The following MEP1B variants were observed in gnomAD, a reference collection of about 807,000 sequenced individuals.
The protein encoded by MEP1B is meprin A subunit beta.
A neutral mutation model predicts 84.6 loss-of-function variants in MEP1B; 80 were observed. That is an observed-to-expected ratio of 0.95 (90% CI 0.79 to 1.14). The LOEUF (loss-of-function observed/expected upper bound fraction) is 1.14, where lower values mean the gene tolerates loss of function less well. MEP1B is among the 50% of genes most tolerant of loss of function. The pLI, the probability that MEP1B is intolerant of heterozygous loss-of-function variation, is 0.00. For missense variants in MEP1B, 766 were observed against 855.1 expected (o/e 0.90, Z 1.30); for synonymous variants, 273 against 288.1 (o/e 0.95, Z 0.53).
At chr18:32,211,511 C>T (rs912105229) in intron 10 of MEP1B, among the ~76,000 whole-genome samples, 4 of 152,076 alleles carry the variant, frequency 2.6e-5, no homozygotes, top group Non-Finnish European at 5.9e-5. Context: ...TGTTTCACTT[C>T]CCAGCTTACA....
At chr18:32,217,681 G>T in intron 13 of MEP1B, 80 bp from the exon 14 acceptor site, 3 of 1,169,340 alleles carry the variant, frequency 2.6e-6, no homozygotes, top group Non-Finnish European at 3.8e-6. Context: ...ATAGACTAAA[G>T]GTGATCCACA....
At position 32,213,244 on chromosome 18, in the gene MEP1B, C is replaced by A; in HGVS notation, c.1264C>A (p.Leu422Ile). ...TGGTCTGTCTATTGATGACATCAAT[C>A]TTTCGGAAACACGGTGCCCTCATCA... ...LGGLSIDDIN[L>I]SETRCPHHIW... The change falls in exon 11 of 15, where the codon CTT becomes ATT. Residue 422 changes from leucine (L) to isoleucine (I), a missense_variant. Coordinates refer to ENST00000269202, the MANE Select transcript of MEP1B (RefSeq NM_005925.3). The A allele has an allele frequency of 6.2e-7, 1 of 1,614,012 alleles. No homozygotes were observed. The highest frequency in any genetic ancestry group is 8.5e-7 in the Non-Finnish European group (1 of 1,179,870).
In MEP1B at chr18:32,196,832, G is replaced by A; in HGVS notation, c.250+1347G>A. 3.4e-6 allele frequency: 2 copies of A among 590,224 alleles called. No homozygotes were observed. Among genetic ancestry groups the A allele is most frequent in the South Asian group, 1.8e-5 (1 of 54,310 alleles). 36.6% of individuals were successfully genotyped at this position (590,224 alleles called of 1,614,324 possible). A position where few individuals can be genotyped will look rare whatever the true frequency, so the allele number is the denominator to read the frequency against. The stretch of plus-strand genomic sequence containing the variant: ...CGCTCATCAGCACTGCCTTCTGCTG[G>A]CTTCTCAGGGCCTCTGCGTACTTGC... On this transcript the variant is annotated intron_variant, in intron 5 of 14. Coordinates refer to ENST00000269202, the MANE Select transcript of MEP1B (RefSeq NM_005925.3). The surrounding 1 kb of genome is among the most constrained non-coding windows in gnomAD (Gnocchi z 4.4).
intron 5 of MEP1B, among the ~76,000 whole-genome samples, chr18:32,201,685 GGAT>G (rs2040914473): frequency 6.6e-6 from 1 of 152,026 alleles, no homozygotes; most frequent in East Asian, 1.9e-4. Flanking sequence ...GATTATTCCT[GGAT>G]GATAGGATTT....
At chr18:32,207,166 T>G in intron 7 of MEP1B, 86 bp from the exon 8 acceptor site, 1 of 838,070 alleles carries the variant, frequency 1.2e-6, no homozygotes. Flanking sequence ...GTTTATTATA[T>G]TCTCCATTTC....
chr18:32,220,322 C>T lies in MEP1B; in HGVS notation c.*77C>T. On this transcript the variant is annotated 3_prime_UTR_variant, in exon 15 of 15. Coordinates refer to ENST00000269202, the MANE Select transcript of MEP1B (RefSeq NM_005925.3). ...CATGGATTTCGCCTAAGTGATATTA[C>T]AGCCACCTCATTCTTCTAAAAGTGG... 1.6e-6 allele frequency: 2 copies of T among 1,284,312 alleles called. No homozygotes were observed. Among genetic ancestry groups the T allele is most frequent in the Non-Finnish European group, 2.2e-6 (2 of 899,218 alleles). The allele number at this position is 1,284,312 out of a possible 1,614,324, so 79.6% of individuals were successfully genotyped here.
At chr18:32,203,298 T>G (rs1002449138) in intron 6 of MEP1B, 2 of 255,698 alleles carry the variant, frequency 7.8e-6, no homozygotes, top group Non-Finnish European at 1.5e-5. Flanking sequence ...TCTTTATCCC[T>G]TTCAAGTAAA....
Position 32,195,400 on chromosome 18 carries a change from T to C in MEP1B, c.172-7T>C, listed in dbSNP as rs778276317. On this transcript the variant is annotated splice_polypyrimidine_tract_variant and splice_region_variant and intron_variant, in intron 4 of 14. Coordinates refer to ENST00000269202, the MANE Select transcript of MEP1B (RefSeq NM_005925.3). ...TTAACTAGCCCTTTTGCATTTATTT[T>C]TGACAGGCACAAATTAGAAATTCCA... 1 of 1,594,470 alleles carries C rather than the reference T, an allele frequency of 6.3e-7. No individual in the cohort carries two copies. The highest frequency in any genetic ancestry group is 1.7e-5 in the Admixed American group (1 of 59,626).
At chr18:32,207,556 G>C in intron 8 of MEP1B, 86 bp downstream of exon 8, 1 of 894,578 alleles carries the variant, frequency 1.1e-6, no homozygotes, top group South Asian at 1.5e-5. Flanking sequence ...GTCAAGCATT[G>C]GTGGGGTTTC....
chr18:32,201,297 G>GATAC (rs2040908737), intron 5 of MEP1B, among the ~76,000 whole-genome samples: 1 of 105,354 alleles, frequency 9.5e-6, no homozygotes, highest in African/African-American at 4.8e-5. Flanking sequence ...GCCATATGTA[G>GATAC]ATACACACAC....
Position 32,217,857 on chromosome 18 carries a change from T to TG in MEP1B, c.1984dup (p.Ala662GlyfsTer23). On this transcript the variant is annotated frameshift_variant, in exon 14 of 15. Transcript: ENST00000269202. LOFTEE classifies it high-confidence loss of function. ...TAGTCATTGCTGTTTCATCTACTGT[T>TG]GCTGTGTTTGCCTTGATGCTGATCA... 6.2e-7 allele frequency: 1 copy of TG among 1,613,794 alleles called. No individual in the cohort carries two copies. The highest frequency in any genetic ancestry group is 8.5e-7 in the Non-Finnish European group (1 of 1,179,846).
At chr18:32,218,827 G>T (rs2041121268) in intron 14 of MEP1B, among the ~76,000 whole-genome samples, 2 of 152,160 alleles carry the variant, frequency 1.3e-5, no homozygotes, top group East Asian at 3.9e-4. Context: ...GCAAGGCAAC[G>T]GCCTTTGGGG....
rs772009022 is a variant in MEP1B at position 32,217,920 on chromosome 18, T to C, written c.2046T>C (p.Tyr682=). 6.8e-6 allele frequency: 11 copies of C among 1,613,846 alleles called. No individual in the cohort carries two copies. Among genetic ancestry groups the C allele is most frequent in the Non-Finnish European group, 8.5e-6 (10 of 1,179,910 alleles). ...GTGTCTATTGCACCAGGAAGAAATA[T>C]CGTGAAAGGATGAGCTCAAATCGAC... ...LVSVYCTRKK[Y]RERMSSNRPN... Residue 682 remains tyrosine (Y), a synonymous_variant, in exon 14 of 15, where the codon TAT becomes TAC. Coordinates refer to ENST00000269202, the MANE Select transcript of MEP1B (RefSeq NM_005925.3).
intron 5 of MEP1B, among the ~76,000 whole-genome samples, chr18:32,199,591 GT>G (rs5823836): frequency 0.38 from 57,293 of 151,406 alleles, 11,241 homozygotes; most frequent in African/African-American, 0.47. Context: ...GAATATACAT[GT>G]TTTTTTGGTT....
At chr18:32,205,604 T>C (rs2040956828) in intron 7 of MEP1B, among the ~76,000 whole-genome samples, 1 of 152,208 alleles carries the variant, frequency 6.6e-6, no homozygotes, top group African/African-American at 2.4e-5. Context: ...CAAAGTCTTA[T>C]TTTTGATCTA....
At position 32,196,656 on chromosome 18, in the gene MEP1B, CG is replaced by C; in HGVS notation, c.250+1175del. ...CCTGATGTTGTCCAGCACGCCACCT[CG>C]GGGTGTCTTCCCCAAGCACCAGCGC... is the stretch of plus-strand genomic sequence containing the variant. On this transcript the variant is annotated intron_variant, in intron 5 of 14. Coordinates refer to ENST00000269202, the MANE Select transcript of MEP1B (RefSeq NM_005925.3). The surrounding 1 kb of genome is among the most constrained non-coding windows in gnomAD (Gnocchi z 4.4). 1.5e-6 allele frequency: 1 copy of C among 677,932 alleles called. No individual in the cohort carries two copies. The highest frequency in any genetic ancestry group is 2.7e-6 in the Non-Finnish European group (1 of 370,538). 42.0% of individuals were successfully genotyped at this position (677,932 alleles called of 1,614,324 possible). A position where few individuals can be genotyped will look rare whatever the true frequency, so the allele number is the denominator to read the frequency against.
intron 10 of MEP1B, 40 bp downstream of exon 10, chr18:32,210,756 G>T: frequency 6.5e-7 from 1 of 1,539,614 alleles, no homozygotes; most frequent in Non-Finnish European, 9.0e-7. Context: ...TTTAAAATGA[G>T]GCAATCTTAG....
Position 32,192,771 on chromosome 18 carries a change from T to G in MEP1B, c.128-3T>G, listed in dbSNP as rs1346813632. On this transcript the variant is annotated splice_region_variant and splice_polypyrimidine_tract_variant and intron_variant, in intron 3 of 14. Coordinates refer to ENST00000269202, the MANE Select transcript of MEP1B (RefSeq NM_005925.3). ...TAACATGAATTTTTATCTTTACTCT[T>G]AGGTTTGGGACTGGATCTTTTTGAG... is the stretch of plus-strand genomic sequence containing the variant. 6.2e-7 allele frequency: 1 copy of G among 1,612,924 alleles called. No individual in the cohort carries two copies. Among genetic ancestry groups the G allele is most frequent in the Admixed American group, 1.7e-5 (1 of 60,018 alleles).
At position 32,196,132 on chromosome 18, in the gene MEP1B, T is replaced by A. The variant is rs2040851464; in HGVS notation, c.250+647T>A. On this transcript the variant is annotated intron_variant, in intron 5 of 14. Transcript: ENST00000269202. This position sits in a 1 kb window ranked among gnomAD's most constrained non-coding sequence, Gnocchi z 4.4. ...CTCGGTGGCCTTGGGCTCCTTGGCC[T>A]CATCCCTGTTTCTGCTGGCCTTCTG... The A allele has an allele frequency of 3.6e-6, 2 of 554,508 alleles. No homozygotes were observed. Among genetic ancestry groups the A allele is most frequent in the African/African-American group, 3.8e-5 (2 of 52,934 alleles). 34.3% of individuals were successfully genotyped at this position (554,508 alleles called of 1,614,324 possible).
Sources: gnomAD v4.1 joint callset for allele counts (sites outside exome capture counted in the v4.1 genomes callset) on GRCh38, gnomAD v4.1.1 for gene constraint, Gnocchi (gnomAD v3.1) non-coding constraint, MANE v1.5 for transcripts, NCBI Gene and HGNC (gene_info 2026-07-23, HGNC 2026-07-21) for gene names.